Variants in ARPP21 observed in about 807,000 individuals in gnomAD.
ARPP21 encodes the protein cAMP-regulated phosphoprotein 21.
In ARPP21, 69 loss-of-function variants were observed where a neutral mutation model predicts 113.2. The ratio of observed to expected loss-of-function variants is 0.61; its 90% CI spans 0.50 to 0.74. The LOEUF is 0.74. Ranked by LOEUF, ARPP21 falls within the 30% of genes least tolerant of loss-of-function variation. ARPP21 has a pLI of 0.00. For missense variants in ARPP21, 1,070 were observed against 1,037.4 expected (o/e 1.03, Z -0.43); for synonymous variants, 368 against 375.5 (o/e 0.98, Z 0.23).
In ARPP21 at chr3:35,793,990, T is replaced by A. The variant is rs1162388099; in HGVS notation, c.*32T>A. 6.3e-7 allele frequency: 1 copy of A among 1,585,916 alleles called. No individual in the cohort carries two copies. The highest frequency in any genetic ancestry group is 8.6e-7 in the Non-Finnish European group (1 of 1,163,168). On this transcript the variant is annotated 3_prime_UTR_variant, in exon 21 of 21. Transcript: ENST00000684406. ...TGGCTGTGGTACATTTCTTCAGATA[T>A]TTCTCATGGCCTTTGATGGAAGAGG...
At chr3:35,691,496 GTTGTGTGAC>G (rs939374496) in intron 9 of ARPP21, among the ~76,000 whole-genome samples, 37 of 151,662 alleles carry the variant, frequency 2.4e-4, no homozygotes, top group African/African-American at 7.7e-4. Flanking sequence ...CTACTTACTA[GTTGTGTGAC>G]TTGGAGCAAG....
At chr3:35,777,213 A>T in intron 19 of ARPP21, among the ~76,000 whole-genome samples, 1 of 152,140 alleles carries the variant, frequency 6.6e-6, no homozygotes, top group East Asian at 1.9e-4. Context: ...GAATGAAAAT[A>T]CCCCTATTTA....
chr3:35,640,871 C>G (rs1341845010), intron 1 of ARPP21: 1 of 152,136 alleles, frequency 6.6e-6, no homozygotes, highest in Non-Finnish European at 1.5e-5. Flanking sequence ...CCAATTTACT[C>G]TTTTCTGTCT....
rs1559547262 is a variant in ARPP21, at chr3:35,667,841, A to AAGAAGAAAAGAAGAAGAAGAAGAAGAAG, written c.-212-11945_-212-11944insGAAGAAAAGAAGAAGAAGAAGAAGAAGA. ...GATCACCTGCAGTACTTTTATTCTC[A>AAGAAGAAAAGAAGAAGAAGAAGAAGAAG]AAGAAGAAGAAGAAGAAGAAGAAGA... On this transcript the variant is annotated intron_variant, in intron 1 of 20. Coordinates refer to ENST00000684406, the MANE Select transcript of ARPP21 (RefSeq NM_001385562.1). 2.0e-4 allele frequency among the ~76,000 whole-genome samples: 16 copies of AAGAAGAAAAGAAGAAGAAGAAGAAGAAG among 81,542 alleles called. 1 individual carries two copies. The highest frequency in any genetic ancestry group is 9.5e-4 in the African/African-American group (16 of 16,782). 53.5% of individuals were successfully genotyped at this position (81,542 alleles called of 152,430 possible). A position where few individuals can be genotyped will look rare whatever the true frequency, so the allele number is the denominator to read the frequency against.
intron 9 of ARPP21, among the ~76,000 whole-genome samples, chr3:35,698,273 C>T (rs2084850344): frequency 1.3e-5 from 2 of 151,514 alleles, no homozygotes; most frequent in South Asian, 4.2e-4. Flanking sequence ...ATATAAGATT[C>T]TGTAGATGAG....
intron 19 of ARPP21, among the ~76,000 whole-genome samples, chr3:35,777,662 G>A (rs1381753847): frequency 1.3e-5 from 2 of 152,144 alleles, no homozygotes; most frequent in Non-Finnish European, 2.9e-5. Flanking sequence ...TAAGGTCATT[G>A]TAGAAATAAA....
rs2075285687 is a variant in ARPP21 at position 35,668,020 on chromosome 3, GAAGAA to G, written c.-212-11766_-212-11762del. On this transcript the variant is annotated intron_variant, in intron 1 of 20. Transcript: ENST00000684406. The stretch of plus-strand genomic sequence containing the variant: ...AGAAGAAGAAGAAGAAGAAGAAGAA[GAAGAA>G]GAAGAAGGAGAAGAAGAAGAAAGAA... Among the ~76,000 whole-genome samples, 6 of 149,226 alleles carry G rather than the reference GAAGAA, an allele frequency of 4.0e-5. No individual in the cohort carries two copies. In the East Asian group the frequency reaches 5.9e-4, roughly 15 times the overall value.
chr3:35,740,135 A>G (rs989501623), intron 18 of ARPP21, among the ~76,000 whole-genome samples: 5 of 152,178 alleles, frequency 3.3e-5, no homozygotes, highest in Admixed American at 2.0e-4. Flanking sequence ...ACAGGTAGCC[A>G]TTAATCATAT....
intron 19 of ARPP21, among the ~76,000 whole-genome samples, chr3:35,789,539 C>T (rs1283271122): frequency 1.3e-5 from 2 of 151,330 alleles, no homozygotes; most frequent in Non-Finnish European, 2.9e-5. Flanking sequence ...AGTATTCACT[C>T]CCCACATAAA....
chr3:35,745,656 A>G (rs2094989197), intron 19 of ARPP21, among the ~76,000 whole-genome samples: 1 of 152,232 alleles, frequency 6.6e-6, no homozygotes, highest in South Asian at 2.1e-4. Context: ...TTAGATTTCA[A>G]AAAAGTTTAG....
At chr3:35,722,347 C>G (rs940961613) in intron 14 of ARPP21, among the ~76,000 whole-genome samples, 1 of 152,096 alleles carries the variant, frequency 6.6e-6, no homozygotes, top group African/African-American at 2.4e-5. Flanking sequence ...TTAGTACGAT[C>G]CTGGACCTGG....
At chr3:35,681,066 C>T (rs2078755531) in intron 2 of ARPP21, 1 of 151,838 alleles carries the variant, frequency 6.6e-6, no homozygotes, top group Admixed American at 6.6e-5. Flanking sequence ...GATCTTGTCG[C>T]ACCAGCAACT....
At chr3:35,790,078 G>T (rs1208694956) in intron 19 of ARPP21, among the ~76,000 whole-genome samples, 1 of 151,518 alleles carries the variant, frequency 6.6e-6, no homozygotes, top group Non-Finnish European at 1.5e-5. Context: ...CTTTTTTGTT[G>T]TTGTTTGTTT....
chr3:35,687,135 A>G lies in ARPP21; in HGVS notation c.262-604A>G, dbSNP rs189998939. Among the ~76,000 whole-genome samples the G allele has an allele frequency of 2.2e-3, 331 of 151,444 alleles. 1 individual carries two copies. The highest frequency in any genetic ancestry group is 3.1e-3 in the Non-Finnish European group (211 of 67,568). On this transcript the variant is annotated intron_variant, in intron 5 of 20. Coordinates refer to ENST00000684406, the MANE Select transcript of ARPP21 (RefSeq NM_001385562.1). ...CTATTCATTATAATGATTTATTAGT[A>G]GTATTTATAAACAATTATAATAAGT... is the stretch of plus-strand genomic sequence containing the variant.
intron 18 of ARPP21, 114 bp from the exon 19 acceptor site, chr3:35,743,725 G>A: frequency 9.2e-7 from 1 of 1,084,992 alleles, no homozygotes; most frequent in South Asian, 1.4e-5. Flanking sequence ...GGAGAAGTTT[G>A]CGGTGGCCAT....
At chr3:35,737,469 C>T in intron 16 of ARPP21, 107 bp downstream of exon 16, 1 of 688,632 alleles carries the variant, frequency 1.5e-6, no homozygotes, top group South Asian at 2.9e-5. Flanking sequence ...TACACTCAAG[C>T]CTCACAAATA....
At chr3:35,719,028 GTTAC>G (rs79837608) in intron 13 of ARPP21, among the ~76,000 whole-genome samples, 53,008 of 151,542 alleles carry the variant, frequency 0.35, 10,563 homozygotes, top group East Asian at 0.72. Flanking sequence ...TGAAATTCTA[GTTAC>G]TTACAAGAGG....
chr3:35,706,222 G>T (rs767916272), intron 9 of ARPP21, among the ~76,000 whole-genome samples: 8 of 152,166 alleles, frequency 5.3e-5, no homozygotes, highest in Non-Finnish European at 8.8e-5. Flanking sequence ...TCTGTGGTCT[G>T]CAATGACAAC....
rs189992311 is a variant in ARPP21, at chr3:35,789,989, G to A, written c.2138-2393G>A. On this transcript the variant is annotated intron_variant, in intron 19 of 20. Transcript: ENST00000684406. ...ATGGAAGGATTCAATAAGGAAATACGTAAATAATCTTCAGACGCTAAGCAA... is the reference window on the plus strand; with the variant it reads ...ATGGAAGGATTCAATAAGGAAATACATAAATAATCTTCAGACGCTAAGCAA... Among the ~76,000 whole-genome samples, 499 of 152,240 alleles carry A rather than the reference G, an allele frequency of 3.3e-3. 2 individuals are homozygous for A. Among genetic ancestry groups the A allele is most frequent in the Non-Finnish European group, 4.4e-3 (298 of 68,020 alleles).
Sources: gnomAD v4.1 joint callset for allele counts (sites outside exome capture counted in the v4.1 genomes callset) on GRCh38, gnomAD v4.1.1 for gene constraint, MANE v1.5 for transcripts, NCBI Gene and HGNC (gene_info 2026-07-23, HGNC 2026-07-21) for gene names.